The following PHRF1 variants were observed in gnomAD, a reference collection of about 807,000 sequenced individuals.
PHRF1 encodes the protein PHD and RING finger domain-containing protein 1.
A neutral mutation model predicts 128.9 loss-of-function variants in PHRF1; 53 were observed. The observed-to-expected ratio is 0.41, with a 90% confidence interval of 0.33 to 0.52. The LOEUF is 0.52. Among genes scored for constraint, PHRF1 ranks in the 20% least tolerant of loss-of-function variants. The probability of loss-of-function intolerance (pLI) is 0.21; values close to 1 mark genes in which losing one functional copy is unlikely to be tolerated. For missense variants in PHRF1, 2,503 were observed against 2,284.5 expected, an observed-to-expected ratio of 1.10 and a Z score of -1.95; for synonymous variants, 1,178 against 980.6, an observed-to-expected ratio of 1.20 and a Z score of -3.76.
chr11:609,436 A>T lies in PHRF1; in HGVS notation c.3980A>T (p.His1327Leu). 6.2e-7 allele frequency: 1 copy of T among 1,607,962 alleles called. No homozygotes were observed. The highest frequency in any genetic ancestry group is 1.3e-5 in the African/African-American group (1 of 75,022). ...AAIQREVSLM[H>L]DEDPSQPPPL... ...ATCCAGAGGGAGGTGTCATTGATGC[A>T]CGATGAAGACCCTTCGCAGCCCCCA... The change falls in exon 14 of 18, where the codon CAC (histidine) becomes CTC (leucine). Residue 1327 changes from histidine (H) to leucine (L), a missense_variant. By Grantham distance (99) the His-to-Leu change is moderately conservative. Coordinates refer to ENST00000264555, the MANE Select transcript of PHRF1 (RefSeq NM_001286581.2).
At chr11:605,070 A>G (rs1855862259) in intron 10 of PHRF1, 49 bp from the exon 11 acceptor site, 1 of 1,549,508 alleles carries the variant, frequency 6.5e-7, no homozygotes, top group Non-Finnish European at 8.8e-7. Context: ...GCCCTCGTAG[A>G]TGCCATCCCC....
In PHRF1 at chr11:592,588, G is replaced by A; in HGVS notation, c.534G>A (p.Glu178=). The part of the protein sequence containing the change: ...KIPVENTKAS[E]EEEDPTFCEV... ...CAGTGGAGAACACCAAAGCGAGCGAGGAGGAGGAGGACCCGACCTTCTGTG... is the reference window on the plus strand; with the variant it reads ...CAGTGGAGAACACCAAAGCGAGCGAAGAGGAGGAGGACCCGACCTTCTGTG... The change falls in exon 6 of 18, where the codon GAG becomes GAA. Residue 178 remains glutamate (E), a synonymous_variant. Transcript: ENST00000264555. 6.2e-7 allele frequency: 1 copy of A among 1,613,430 alleles called. No individual in the cohort carries two copies. The highest frequency in any genetic ancestry group is 8.5e-7 in the Non-Finnish European group (1 of 1,179,370).
intron 8 of PHRF1, 144 bp from the exon 9 acceptor site, chr11:598,229 C>T (rs1855412111): frequency 8.3e-7 from 1 of 1,209,480 alleles, no homozygotes; most frequent in East Asian, 2.7e-5. Flanking sequence ...GAAGGCCGGG[C>T]CGTGGCTGCT....
intron 4 of PHRF1, among the ~76,000 whole-genome samples, chr11:590,716 T>G (rs564994253): frequency 6.6e-6 from 1 of 152,296 alleles, no homozygotes; most frequent in Admixed American, 6.5e-5. Context: ...AGTAAATTTT[T>G]TTTTGAGATG....
At chr11:611,139 CTG>C in intron 17 of PHRF1, 57 bp downstream of exon 17, 1 of 1,601,122 alleles carries the variant, frequency 6.2e-7, no homozygotes, top group South Asian at 1.1e-5. Flanking sequence ...TACGTCGCTG[CTG>C]TCTCGTCAGC....
At chr11:577,395 C>G (rs536228085) in intron 1 of PHRF1, among the ~76,000 whole-genome samples, 1 of 152,364 alleles carries the variant, frequency 6.6e-6, no homozygotes, top group African/African-American at 2.4e-5. Context: ...GAACCACGTT[C>G]TGGCCAGTGG....
chr11:609,447 C>G lies in PHRF1; in HGVS notation c.3991C>G (p.Pro1331Ala). The G allele has an allele frequency of 1.2e-6, 2 of 1,606,464 alleles. No homozygotes were observed. The highest frequency in any genetic ancestry group is 1.7e-6 in the Non-Finnish European group (2 of 1,179,638). The change falls in exon 14 of 18, where the codon CCT becomes GCT. Residue 1331 changes from proline (P) to alanine (A), a missense_variant. Physicochemically the swap from Pro to Ala is conservative, Grantham distance 27 (BLOSUM62 -1). Coordinates refer to ENST00000264555, the MANE Select transcript of PHRF1 (RefSeq NM_001286581.2). ...GGTGTCATTGATGCACGATGAAGACCCTTCGCAGCCCCCACCCCTGCCAGA... is the reference window on the plus strand; with the variant it reads ...GGTGTCATTGATGCACGATGAAGACGCTTCGCAGCCCCCACCCCTGCCAGA... Reference protein sequence around the residue: ...REVSLMHDEDPSQPPPLPEGT... With the variant: ...REVSLMHDEDASQPPPLPEGT...
At chr11:587,165 T>C (rs1854614783) in intron 3 of PHRF1, 94 bp from the exon 4 acceptor site, 1 of 1,224,336 alleles carries the variant, frequency 8.2e-7, no homozygotes, top group African/African-American at 1.5e-5. Context: ...ATTGCCGACC[T>C]GGTGTCCTGA....
At position 612,113 on chromosome 11, in the gene PHRF1, G is replaced by C. The variant is rs1019026204; in HGVS notation, c.*336G>C. 8.2e-6 allele frequency: 3 copies of C among 367,230 alleles called. No individual in the cohort carries two copies. The highest frequency in any genetic ancestry group is 4.1e-5 in the African/African-American group (2 of 48,300). The allele number at this position is 367,230 out of a possible 1,614,324, so 22.7% of individuals were successfully genotyped here. On this transcript the variant is annotated 3_prime_UTR_variant, in exon 18 of 18. Coordinates refer to ENST00000264555, the MANE Select transcript of PHRF1 (RefSeq NM_001286581.2). ...ATAAAGCACTTGGTGATCAAGAGGG[G>C]CTCCTGGTGGGGTGGCGCGTCCTTG... is the stretch of plus-strand genomic sequence containing the variant.
chr11:581,726 G>A, intron 2 of PHRF1, 120 bp downstream of exon 2: 1 of 1,105,670 alleles, frequency 9.0e-7, no homozygotes, highest in Non-Finnish European at 1.3e-6. Flanking sequence ...ATTATGCTTT[G>A]ATTTTAAATT....
chr11:580,248 C>T (rs1295514593), intron 1 of PHRF1, among the ~76,000 whole-genome samples: 3 of 152,222 alleles, frequency 2.0e-5, no homozygotes, highest in Non-Finnish European at 4.4e-5. Flanking sequence ...AAATGAACCA[C>T]GTGCACGTAT....
intron 6 of PHRF1, among the ~76,000 whole-genome samples, chr11:596,168 G>A (rs1445564226): frequency 6.6e-6 from 1 of 152,154 alleles, no homozygotes; most frequent in Non-Finnish European, 1.5e-5. Context: ...CCCTTCCCTT[G>A]ATTGTTTTTG....
chr11:594,833 C>T (rs942743183), intron 6 of PHRF1, among the ~76,000 whole-genome samples: 11 of 152,164 alleles, frequency 7.2e-5, no homozygotes, highest in Non-Finnish European at 1.6e-4. Context: ...TTATAAATTA[C>T]ATTTACAAAC....
intron 6 of PHRF1, 82 bp downstream of exon 6, chr11:592,756 C>A: frequency 6.8e-7 from 1 of 1,461,222 alleles, no homozygotes; most frequent in Non-Finnish European, 9.6e-7. Context: ...AGCCTCTTCG[C>A]TCTGTGAAGT....
rs768205230 is a variant in PHRF1 at position 612,044 on chromosome 11, T to C, written c.*267T>C. 2.6e-5 allele frequency: 13 copies of C among 505,948 alleles called. No individual in the cohort carries two copies. Among genetic ancestry groups the C allele is most frequent in the Non-Finnish European group, 4.5e-5 (13 of 291,456 alleles). The allele number at this position is 505,948 out of a possible 1,614,324, so 31.3% of individuals were successfully genotyped here. ...TGTTTCCATTCTAATTTATCAAAAA[T>C]GGATTATCTTTAGAAACCTCTTGAT... is the stretch of plus-strand genomic sequence containing the variant. On this transcript the variant is annotated 3_prime_UTR_variant, in exon 18 of 18. Transcript: ENST00000264555.
Position 587,404 on chromosome 11 carries a change from G to C in PHRF1, c.360G>C (p.Val120=). The part of the protein sequence containing the change: ...ICLNAFRDQA[V]GTPENCAHYF... The stretch of plus-strand genomic sequence containing the variant: ...TCAACGCATTCAGAGACCAGGCCGT[G>C]GGGACGCCGGAGAACTGTGCCCATT... Residue 120 remains valine, a synonymous_variant, in exon 4 of 18, where the codon GTG becomes GTC. Transcript: ENST00000264555. The C allele has an allele frequency of 6.2e-7, 1 of 1,613,840 alleles. No homozygotes were observed. The highest frequency in any genetic ancestry group is 8.5e-7 in the Non-Finnish European group (1 of 1,179,890).
Position 592,591 on chromosome 11 carries a change from G to A in PHRF1, c.537G>A (p.Glu179=), listed in dbSNP as rs1185772597. 6.2e-7 allele frequency: 1 copy of A among 1,613,976 alleles called. No homozygotes were observed. The highest frequency in any genetic ancestry group is 8.5e-7 in the Non-Finnish European group (1 of 1,179,916). Residue 179 remains glutamate (E), a synonymous_variant, in exon 6 of 18, where the codon GAG becomes GAA. Transcript: ENST00000264555. ...IPVENTKASE[E]EEDPTFCEVC... is the part of the protein sequence containing the mutation. ...TGGAGAACACCAAAGCGAGCGAGGA[G>A]GAGGAGGACCCGACCTTCTGTGAGG...
chr11:612,089 T>C lies in PHRF1; in HGVS notation c.*312T>C. 1 of 407,852 alleles carries C rather than the reference T, an allele frequency of 2.5e-6. No homozygotes were observed. Among genetic ancestry groups the C allele is most frequent in the Non-Finnish European group, 4.4e-6 (1 of 228,722 alleles). The allele number at this position is 407,852 out of a possible 1,614,324, so 25.3% of individuals were successfully genotyped here. On this transcript the variant is annotated 3_prime_UTR_variant, in exon 18 of 18. Coordinates refer to ENST00000264555, the MANE Select transcript of PHRF1 (RefSeq NM_001286581.2). ...CTTGATTGACTTACTACTTGGAAGA[T>C]AAAGCACTTGGTGATCAAGAGGGGC...
rs912599241 is a variant in PHRF1, at chr11:607,620, C to A, written c.2164C>A (p.Gln722Lys). ...SRLTGREGTG[Q>K]PGRGTRAESE... ...ACTGACTGGCAGGGAGGGCACCGGG[C>A]AGCCAGGGCGAGGCACACGGGCAGA... The change falls in exon 14 of 18, where the codon CAG becomes AAG. Residue 722 changes from glutamine to lysine, a missense_variant. Coordinates refer to ENST00000264555, the MANE Select transcript of PHRF1 (RefSeq NM_001286581.2). The A allele has an allele frequency of 5.6e-6, 9 of 1,611,998 alleles. No homozygotes were observed. The highest frequency in any genetic ancestry group is 7.6e-6 in the Non-Finnish European group (9 of 1,179,746).
Sources: allele counts gnomAD v4.1 joint callset (sites outside exome capture counted in the v4.1 genomes callset), GRCh38; gene constraint gnomAD v4.1.1; transcripts MANE v1.5; gene names NCBI Gene and HGNC (gene_info 2026-07-23, HGNC 2026-07-21).